Variants in RHOQ observed in about 807,000 individuals in gnomAD.
RHOQ encodes rho-related GTP-binding protein RhoQ.
A neutral mutation model predicts 25.8 loss-of-function variants in RHOQ; 7 were observed. The observed-to-expected ratio is 0.27, with a 90% CI of 0.15 to 0.51. RHOQ has a LOEUF of 0.51. Ranked by LOEUF, RHOQ falls within the 20% of genes least tolerant of loss-of-function variation. The pLI is 0.97. For synonymous variants in RHOQ, 97 were observed against 98.6 expected (o/e 0.98, Z 0.10); for missense variants, 165 against 260.6 (o/e 0.63, Z 2.53).
At position 46,581,363 on chromosome 2, in the gene RHOQ, A is replaced by G; in HGVS notation, c.*280A>G. 1 of 1,449,578 alleles carries G rather than the reference A, an allele frequency of 6.9e-7. No individual in the cohort carries two copies. Among genetic ancestry groups the G allele is most frequent in the Non-Finnish European group, 9.2e-7 (1 of 1,084,250 alleles). The allele number at this position is 1,449,578 out of a possible 1,614,324, so 89.8% of individuals were successfully genotyped here. A position where few individuals can be genotyped will look rare whatever the true frequency, so the allele number is the denominator to read the frequency against. ...TAGTTTAAAAAGCTACAATCACATCATGTTGTAACTACGTAAAAAACAGAG... is the reference window on the plus strand; with the variant it reads ...TAGTTTAAAAAGCTACAATCACATCGTGTTGTAACTACGTAAAAAACAGAG... On this transcript the variant is annotated 3_prime_UTR_variant, in exon 5 of 5. Transcript: ENST00000238738.
At chr2:46,557,013 C>CA (rs1668430337) in intron 2 of RHOQ, among the ~76,000 whole-genome samples, 1 of 152,080 alleles carries the variant, frequency 6.6e-6, no homozygotes, top group African/African-American at 2.4e-5. Flanking sequence ...CAATAGCTCA[C>CA]AAGAGAAGAA....
chr2:46,572,564 A>C (rs1668967549), intron 2 of RHOQ, among the ~76,000 whole-genome samples: 1 of 152,216 alleles, frequency 6.6e-6, no homozygotes, highest in Non-Finnish European at 1.5e-5. Context: ...GCAGTCCAAC[A>C]GCCATGCTGA....
At position 46,552,152 on chromosome 2, in the gene RHOQ, A is replaced by T. The variant is rs537697565; in HGVS notation, c.201+8340A>T. On this transcript the variant is annotated intron_variant, in intron 2 of 4. Transcript: ENST00000238738. This position sits in a 1 kb window ranked among gnomAD's most constrained non-coding sequence, Gnocchi z 5.0. ...TAGAAGAGATGGTGGAACATTGTGTATAGGTGGAACACGTAGGGACGGCTG... is the reference window on the plus strand; with the variant it reads ...TAGAAGAGATGGTGGAACATTGTGTTTAGGTGGAACACGTAGGGACGGCTG... Among the ~76,000 whole-genome samples the T allele has an allele frequency of 6.6e-6, 1 of 152,204 alleles. No homozygotes were observed. The highest frequency in any genetic ancestry group is 2.1e-4 in the South Asian group (1 of 4,836).
intron 4 of RHOQ, among the ~76,000 whole-genome samples, chr2:46,577,903 A>C (rs770006759): frequency 3.9e-5 from 6 of 152,162 alleles, no homozygotes; most frequent in Non-Finnish European, 8.8e-5. Flanking sequence ...AAAAGCCATA[A>C]ATGAAAATAT....
chr2:46,565,957 A>G (rs1020448438), intron 2 of RHOQ, among the ~76,000 whole-genome samples: 1 of 152,210 alleles, frequency 6.6e-6, no homozygotes, highest in Non-Finnish European at 1.5e-5. Context: ...GGGTTCAGAG[A>G]AGATCTGCTG....
At chr2:46,561,128 CTGTGTGTG>C (rs201570998) in intron 2 of RHOQ, among the ~76,000 whole-genome samples, 1 of 149,084 alleles carries the variant, frequency 6.7e-6, no homozygotes, top group Non-Finnish European at 1.5e-5. Flanking sequence ...GTTTATATGT[CTGTGTGTG>C]TGTGTATATA....
intron 4 of RHOQ, 147 bp from the exon 5 acceptor site, chr2:46,580,781 A>G: frequency 3.7e-6 from 2 of 535,542 alleles, no homozygotes; most frequent in Non-Finnish European, 6.2e-6. Context: ...GTATTTTAAA[A>G]TCCCCTCTGG....
chr2:46,575,967 C>G, intron 2 of RHOQ, 120 bp from the exon 3 acceptor site: 3 of 696,188 alleles, frequency 4.3e-6, no homozygotes, highest in Non-Finnish European at 6.6e-6. Flanking sequence ...CTTAGAGTGC[C>G]ATACATTCCA....
At chr2:46,545,233 G>T (rs1056812526) in intron 2 of RHOQ, among the ~76,000 whole-genome samples, 4 of 152,228 alleles carry the variant, frequency 2.6e-5, no homozygotes, top group African/African-American at 9.6e-5. Context: ...GCAAGGGGCA[G>T]AGCTTGCTCA....
At chr2:46,560,410 CTT>C (rs1336934935) in intron 2 of RHOQ, 1 of 336,190 alleles carries the variant, frequency 3.0e-6, no homozygotes, top group Non-Finnish European at 6.0e-6. Context: ...TAACTGAAGT[CTT>C]CTCTTTTTTT....
At position 46,543,033 on chromosome 2, in the gene RHOQ, C is replaced by T; in HGVS notation, c.-14C>T. ...CTCCGGGGGGACCATGCCCGGAGGC[C>T]GGCCGGCAGCAGCATGGCTCACGGG... On this transcript the variant is annotated 5_prime_UTR_variant, in exon 1 of 5. Coordinates refer to ENST00000238738, the MANE Select transcript of RHOQ (RefSeq NM_012249.4). The T allele has an allele frequency of 6.4e-7, 1 of 1,572,086 alleles. No individual in the cohort carries two copies. The highest frequency in any genetic ancestry group is 1.1e-5 in the South Asian group (1 of 87,300).
intron 2 of RHOQ, among the ~76,000 whole-genome samples, chr2:46,571,248 G>A (rs1177880226): frequency 1.3e-5 from 2 of 152,078 alleles, no homozygotes; most frequent in Admixed American, 6.5e-5. Flanking sequence ...TCCTAAGATC[G>A]AAAGCTGTTA....
chr2:46,561,160 G>C (rs1257396454), intron 2 of RHOQ, among the ~76,000 whole-genome samples: 4 of 151,208 alleles, frequency 2.6e-5, no homozygotes, highest in South Asian at 2.1e-4. Flanking sequence ...ATACACCTTT[G>C]ATATATATGT....
In RHOQ at chr2:46,556,991, C is replaced by G. The variant is rs535211070; in HGVS notation, c.201+13179C>G. Among the ~76,000 whole-genome samples the G allele has an allele frequency of 6.6e-6, 1 of 152,246 alleles. No individual in the cohort carries two copies. The highest frequency in any genetic ancestry group is 2.1e-4 in the South Asian group (1 of 4,820). Reference sequence around the variant, plus strand: ...CATGTAGCCCCAGTGGAAAAATGGACAAGACATAAACCAATAGCTCACAAG... The same window carrying G: ...CATGTAGCCCCAGTGGAAAAATGGAGAAGACATAAACCAATAGCTCACAAG... On this transcript the variant is annotated intron_variant, in intron 2 of 4. Coordinates refer to ENST00000238738, the MANE Select transcript of RHOQ (RefSeq NM_012249.4). The surrounding 1 kb of genome is among the most constrained non-coding windows in gnomAD (Gnocchi z 4.9).
intron 2 of RHOQ, among the ~76,000 whole-genome samples, chr2:46,557,946 A>G (rs1304011856): frequency 6.6e-6 from 1 of 152,180 alleles, no homozygotes; most frequent in African/African-American, 2.4e-5. Context: ...TTTTATGACT[A>G]TTCACAGCTG....
In RHOQ at chr2:46,581,344, A is replaced by G; in HGVS notation, c.*261A>G. On this transcript the variant is annotated 3_prime_UTR_variant, in exon 5 of 5. Transcript: ENST00000238738. ...CAATCTCTCAGGGGTTTCATAGTTTAAAAAGCTACAATCACATCATGTTGT... is the reference window on the plus strand; with the variant it reads ...CAATCTCTCAGGGGTTTCATAGTTTGAAAAGCTACAATCACATCATGTTGT... 7.3e-7 allele frequency: 1 copy of G among 1,373,554 alleles called. No homozygotes were observed. Among genetic ancestry groups the G allele is most frequent in the Non-Finnish European group, 9.7e-7 (1 of 1,027,074 alleles). 85.1% of individuals were successfully genotyped at this position (1,373,554 alleles called of 1,614,324 possible). A position where few individuals can be genotyped will look rare whatever the true frequency, so the allele number is the denominator to read the frequency against.
intron 2 of RHOQ, among the ~76,000 whole-genome samples, chr2:46,562,869 A>C (rs1026683576): frequency 5.9e-5 from 9 of 152,348 alleles, no homozygotes; most frequent in South Asian, 4.1e-4. Flanking sequence ...TGCTGAAGTT[A>C]ATTTCACATT....
chr2:46,559,593 C>T (rs1224494174), intron 2 of RHOQ, among the ~76,000 whole-genome samples: 3 of 152,168 alleles, frequency 2.0e-5, no homozygotes, highest in Non-Finnish European at 2.9e-5. Context: ...TGTTTAGCAG[C>T]ATCCCCAGCC....
rs765969251 is a variant in RHOQ at position 46,548,160 on chromosome 2, C to T, written c.201+4348C>T. On this transcript the variant is annotated intron_variant, in intron 2 of 4. Transcript: ENST00000238738. The surrounding 1 kb of genome is among the most constrained non-coding windows in gnomAD (Gnocchi z 5.2). ...AAACACACAAGTTCAGGGAAGCGTCCATGACAGCTATAAATATCTTTTACT... is the reference window on the plus strand; with the variant it reads ...AAACACACAAGTTCAGGGAAGCGTCTATGACAGCTATAAATATCTTTTACT... Among the ~76,000 whole-genome samples the T allele has an allele frequency of 6.6e-6, 1 of 152,196 alleles. No homozygotes were observed. Among genetic ancestry groups the T allele is most frequent in the African/African-American group, 2.4e-5 (1 of 41,446 alleles).
Sources: gnomAD v4.1 joint callset for allele counts (sites outside exome capture counted in the v4.1 genomes callset) on GRCh38, gnomAD v4.1.1 for gene constraint, Gnocchi (gnomAD v3.1) non-coding constraint, MANE v1.5 for transcripts, NCBI Gene and HGNC (gene_info 2026-07-23, HGNC 2026-07-21) for gene names.